TRANK1: variants seen among roughly 807,000 people sequenced by gnomAD.
The protein encoded by TRANK1 is tetratricopeptide repeat and ankyrin repeat containing 1.
In TRANK1, 198 loss-of-function variants were observed where a neutral mutation model predicts 266.0. The observed-to-expected ratio is 0.74, with a 90% CI of 0.66 to 0.84. The LOEUF is 0.84. Ranked by LOEUF, TRANK1 falls within the 40% of genes least tolerant of loss-of-function variation. TRANK1 has a pLI of 0.00. For missense variants in TRANK1, 3,326 were observed against 3,634.6 expected, an observed-to-expected ratio of 0.92 and a Z score of 2.18; for synonymous variants, 1,396 against 1,384.1, an observed-to-expected ratio of 1.01 and a Z score of -0.19.
At chr3:36,932,382 C>T (rs2080372246) in intron 1 of TRANK1, among the ~76,000 whole-genome samples, 1 of 152,068 alleles carries the variant, frequency 6.6e-6, no homozygotes, top group African/African-American at 2.4e-5. Context: ...ACCAGCCTGG[C>T]CAATGTGGTG....
intron 8 of TRANK1, among the ~76,000 whole-genome samples, chr3:36,877,773 G>A (rs2079410700): frequency 1.3e-5 from 2 of 152,178 alleles, no homozygotes; most frequent in Non-Finnish European, 2.9e-5. Flanking sequence ...TGATTTTGTA[G>A]AAAGAGATTT....
chr3:36,858,640 A>C (rs1418410078), intron 12 of TRANK1, 78 bp downstream of exon 12: 1 of 1,387,430 alleles, frequency 7.2e-7, no homozygotes, highest in East Asian at 2.6e-5. Flanking sequence ...ACAAAAGGAA[A>C]GACCAGAAAA....
chr3:36,842,651 C>G lies in TRANK1; in HGVS notation c.5251G>C (p.Asp1751His), dbSNP rs1189916962. 6.2e-7 allele frequency: 1 copy of G among 1,613,878 alleles called. No individual in the cohort carries two copies. The highest frequency in any genetic ancestry group is 1.7e-5 in the Admixed American group (1 of 60,008). ...CAGCACTGGTGCTTGGCGTAGTAAT[C>G]TCCCTGTGCAATCCACTCCGCAGGA... ...STPAEWIAQG[D>H]YYAKHQCWKV... Residue 1751 changes from aspartate (D) to histidine (H), a missense_variant, in exon 18 of 24, where the codon GAT (aspartate) becomes CAT (histidine). Transcript: ENST00000645898.
chr3:36,852,036 TG>T, intron 14 of TRANK1, 109 bp downstream of exon 14: 1 of 1,376,354 alleles, frequency 7.3e-7, no homozygotes, highest in South Asian at 1.5e-5. Context: ...TCACCCACTG[TG>T]GGACAGGGAC....
intron 1 of TRANK1, among the ~76,000 whole-genome samples, chr3:36,913,037 T>TGTGTGTGC (rs1479823063): frequency 4.0e-5 from 6 of 150,680 alleles, no homozygotes; most frequent in Non-Finnish European, 8.9e-5. Context: ...CTTTTGTGTG[T>TGTGTGTGC]GTGTGTGTGT....
chr3:36,831,054 C>A lies in TRANK1; in HGVS notation c.8529G>T (p.Glu2843Asp), dbSNP rs756551329. The A allele has an allele frequency of 1.3e-5, 21 of 1,613,928 alleles. No individual in the cohort carries two copies. The Admixed American group carries it at 3.5e-4, about 27-fold the overall frequency. Residue 2843 changes from glutamate to aspartate, a missense_variant, in exon 22 of 24, where the codon GAG becomes GAT. By Grantham distance (45) the Glu-to-Asp change is conservative. Coordinates refer to ENST00000645898, the MANE Select transcript of TRANK1 (RefSeq NM_001329998.2). This position sits in a 1 kb window ranked among gnomAD's most constrained non-coding sequence, Gnocchi z 5.0. ...CTTCATCAATGGCCGGGTCCACCTT[C>A]TCGTGGAAAAATTCTGAGTATTTCT... Reference protein sequence around the residue: ...AYQKYSEFFHEKVDPAIDEGK... With the variant: ...AYQKYSEFFHDKVDPAIDEGK...
chr3:36,883,216 A>G (rs2079554918), intron 8 of TRANK1, among the ~76,000 whole-genome samples: 1 of 152,176 alleles, frequency 6.6e-6, no homozygotes. Context: ...CAAGGCAGGC[A>G]GATCACTTGA....
intron 15 of TRANK1, among the ~76,000 whole-genome samples, chr3:36,847,567 A>G (rs2078932645): frequency 6.6e-6 from 1 of 152,202 alleles, no homozygotes; most frequent in Non-Finnish European, 1.5e-5. Context: ...CACTACACCA[A>G]GAAGCTAAGA....
intron 11 of TRANK1, among the ~76,000 whole-genome samples, chr3:36,860,046 C>T (rs756548245): frequency 7.9e-5 from 12 of 151,880 alleles, no homozygotes; most frequent in Admixed American, 5.9e-4. Context: ...TCTTGTGTGT[C>T]ACTGTTATAT....
chr3:36,833,109 C>CA lies in TRANK1; in HGVS notation c.6473dup (p.Leu2158PhefsTer5). The CA allele has an allele frequency of 6.2e-7, 1 of 1,612,138 alleles. No individual in the cohort carries two copies. Among genetic ancestry groups the CA allele is most frequent in the Non-Finnish European group, 8.5e-7 (1 of 1,178,946 alleles). ...CTAATTTCACTTGGTCAGTCATTATCAAAAAATGATCTTTTGTTTTTTTCT... is the reference window on the plus strand; with the variant it reads ...CTAATTTCACTTGGTCAGTCATTATCAAAAAAATGATCTTTTGTTTTTTTCT... On this transcript the variant is annotated frameshift_variant, in exon 22 of 24. Coordinates refer to ENST00000645898, the MANE Select transcript of TRANK1 (RefSeq NM_001329998.2). LOFTEE classifies it high-confidence loss of function.
intron 1 of TRANK1, among the ~76,000 whole-genome samples, chr3:36,928,984 C>G (rs1033090611): frequency 1.3e-5 from 2 of 151,684 alleles, no homozygotes; most frequent in Non-Finnish European, 2.9e-5. Context: ...ACACATAAGC[C>G]AGAATTGCAA....
rs1388063792 is a variant in TRANK1 at position 36,895,565 on chromosome 3, C to A, written c.552+75G>T. On this transcript the variant is annotated intron_variant, in intron 5 of 23. Transcript: ENST00000645898. ...AGATCAACAAATAATAAATTACAAT[C>A]CCTCAATGCCAATGGAAAGGAATCA... is the stretch of plus-strand genomic sequence containing the variant. 9 of 844,938 alleles carry A rather than the reference C, an allele frequency of 1.1e-5. No individual in the cohort carries two copies. The East Asian group carries it at 2.7e-4, about 25-fold the overall frequency. 52.3% of individuals were successfully genotyped at this position (844,938 alleles called of 1,614,324 possible). A position where few individuals can be genotyped will look rare whatever the true frequency, so the allele number is the denominator to read the frequency against.
chr3:36,890,923 A>G (rs1211644867), intron 7 of TRANK1, among the ~76,000 whole-genome samples: 2 of 152,256 alleles, frequency 1.3e-5, no homozygotes, highest in Non-Finnish European at 2.9e-5. Flanking sequence ...CATGACATTC[A>G]TAACCAGAGC....
At chr3:36,903,400 T>C in intron 2 of TRANK1, 125 bp from the exon 3 acceptor site, 1 of 1,226,944 alleles carries the variant, frequency 8.2e-7, no homozygotes, top group Non-Finnish European at 1.1e-6. Context: ...GACTCATTCA[T>C]GCTTATCAGA....
At chr3:36,935,279 C>G (rs1434436896) in intron 1 of TRANK1, among the ~76,000 whole-genome samples, 1 of 152,108 alleles carries the variant, frequency 6.6e-6, no homozygotes, top group Non-Finnish European at 1.5e-5. Flanking sequence ...TCTATAAGGT[C>G]CTGTGTGTAG....
intron 6 of TRANK1, 25 bp downstream of exon 6, chr3:36,892,872 GATAT>G (rs71635814): frequency 4.7e-5 from 28 of 597,686 alleles, no homozygotes; most frequent in East Asian, 2.4e-4. Flanking sequence ...TATATATATA[GATAT>G]ATATAGATAT....
intron 8 of TRANK1, among the ~76,000 whole-genome samples, chr3:36,884,884 G>A (rs1267284624): frequency 6.7e-6 from 1 of 149,900 alleles, no homozygotes. Context: ...AGTGAGCTGA[G>A]ATCGCGCCAC....
rs2078729986 is a variant in TRANK1, at chr3:36,833,699, T to G, written c.5884A>C (p.Arg1962=). 6.2e-7 allele frequency: 1 copy of G among 1,614,010 alleles called. No homozygotes were observed. Among genetic ancestry groups the G allele is most frequent in the Non-Finnish European group, 8.5e-7 (1 of 1,179,880 alleles). The change falls in exon 22 of 24, where the codon AGA becomes CGA. Residue 1962 remains arginine, a synonymous_variant. Coordinates refer to ENST00000645898, the MANE Select transcript of TRANK1 (RefSeq NM_001329998.2). ...AADLLNREGR[R]EEAALLMKQH... ...TTCATCAGCAGGGCAGCCTCTTCTC[T>G]CCTACCTTCCCTGTTCAGCAGGTCT...
chr3:36,850,443 C>T (rs1000004131), intron 15 of TRANK1: 40 of 985,372 alleles, frequency 4.1e-5, no homozygotes, highest in East Asian at 1.1e-4. Context: ...ATCTACATTA[C>T]GACTATGAGA....
Sources: allele counts gnomAD v4.1 joint callset (sites outside exome capture counted in the v4.1 genomes callset), GRCh38; gene constraint gnomAD v4.1.1; non-coding constraint Gnocchi (gnomAD v3.1); transcripts MANE v1.5; gene names NCBI Gene and HGNC (gene_info 2026-07-23, HGNC 2026-07-21).